MYLK: variants seen among roughly 807,000 people sequenced by gnomAD.
The protein encoded by MYLK is myosin light chain kinase, also known as myosin light chain kinase, smooth muscle.
A neutral mutation model predicts 203.4 loss-of-function variants in MYLK; 106 were observed. The observed-to-expected ratio is 0.52, with a 90% CI of 0.45 to 0.61. The LOEUF (loss-of-function observed/expected upper bound fraction) is 0.61, where lower values mean the gene tolerates loss of function less well. Ranked by LOEUF, MYLK falls within the 20% of genes least tolerant of loss-of-function variation. The pLI is 0.00. For synonymous variants in MYLK, 867 were observed against 959.5 expected, an observed-to-expected ratio of 0.90 and a Z score of 1.78; for missense variants, 2,072 against 2,442.3, an observed-to-expected ratio of 0.85 and a Z score of 3.20.
intron 2 of MYLK, among the ~76,000 whole-genome samples, chr3:123,869,827 T>C (rs928804664): frequency 5.3e-5 from 8 of 152,318 alleles, no homozygotes; most frequent in African/African-American, 1.9e-4. Context: ...GAGCTGGGAT[T>C]GAAACCCAGG....
At chr3:123,755,635 G>C (rs2063337070) in intron 4 of MYLK, among the ~76,000 whole-genome samples, 1 of 151,962 alleles carries the variant, frequency 6.6e-6, no homozygotes, top group South Asian at 2.1e-4. Context: ...CACTACCCTG[G>C]ACCTCTGGGT....
rs900854978 is a variant in MYLK, at chr3:123,611,568, G to A, written c.*2537C>T. On this transcript the variant is annotated 3_prime_UTR_variant, in exon 34 of 34. Coordinates refer to ENST00000360304, the MANE Select transcript of MYLK (RefSeq NM_053025.4). ...TTTGGCACCAGGGACCACTTTCATG[G>A]AAGACAGTTTTTCCATGGACCAGGA... 1 of 152,178 alleles carries A rather than the reference G, an allele frequency of 6.6e-6. No individual in the cohort carries two copies. Among genetic ancestry groups the A allele is most frequent in the African/African-American group, 2.4e-5 (1 of 41,416 alleles). 9.4% of individuals were successfully genotyped at this position (152,178 alleles called of 1,614,324 possible).
chr3:123,737,315 T>A lies in MYLK; in HGVS notation c.754+63A>T, dbSNP rs1276862747. 14 of 1,607,694 alleles carry A rather than the reference T, an allele frequency of 8.7e-6. No homozygotes were observed. In the Admixed American group the frequency reaches 1.5e-4, roughly 17 times the overall value. ...CACAGGTGCGCAGTGAACAAGCAGC[T>A]CCTCTAGGAGGGTGCGGCACCAGGC... On this transcript the variant is annotated intron_variant, in intron 8 of 33. Transcript: ENST00000360304.
chr3:123,704,087 T>G (rs2061355658), intron 16 of MYLK, among the ~76,000 whole-genome samples: 1 of 152,242 alleles, frequency 6.6e-6, no homozygotes, highest in Admixed American at 6.5e-5. Flanking sequence ...CAAGGGCTCC[T>G]GTCCAATCCA....
At chr3:123,646,339 A>G (rs1480578836) in intron 27 of MYLK, among the ~76,000 whole-genome samples, 1 of 152,218 alleles carries the variant, frequency 6.6e-6, no homozygotes, top group Non-Finnish European at 1.5e-5. Context: ...GTGTTTAGGA[A>G]AGGATAGACA....
chr3:123,805,364 A>G (rs1425674763), intron 3 of MYLK, among the ~76,000 whole-genome samples: 1 of 152,198 alleles, frequency 6.6e-6, no homozygotes. Flanking sequence ...ATCCTTGGTT[A>G]GCACTGACAG....
chr3:123,733,246 C>T, intron 10 of MYLK, 144 bp from the exon 11 acceptor site: 1 of 902,018 alleles, frequency 1.1e-6, no homozygotes, highest in Non-Finnish European at 1.8e-6. Flanking sequence ...TGCTTCCTCA[C>T]CCTCAACCAC....
intron 31 of MYLK, chr3:123,623,381 AC>A (rs1250796970): frequency 1.3e-5 from 2 of 152,156 alleles, no homozygotes; most frequent in Non-Finnish European, 2.9e-5. Flanking sequence ...AATCTGCTCA[AC>A]CTACCTGCCC....
At position 123,636,051 on chromosome 3, in the gene MYLK, G is replaced by A. The variant is rs868500790; in HGVS notation, c.4961+2020C>T. Among the ~76,000 whole-genome samples the A allele has an allele frequency of 2.0e-5, 3 of 152,174 alleles. No homozygotes were observed. In the South Asian group the frequency reaches 6.2e-4, roughly 32 times the overall value. On this transcript the variant is annotated intron_variant, in intron 29 of 33. Coordinates refer to ENST00000360304, the MANE Select transcript of MYLK (RefSeq NM_053025.4). ...TGGTGACCTCTGGGGGTTGGTAACAGGGAGGGGTGCCAGAGGGCTGTGGGG... is the reference window on the plus strand; with the variant it reads ...TGGTGACCTCTGGGGGTTGGTAACAAGGAGGGGTGCCAGAGGGCTGTGGGG...
chr3:123,709,819 G>T lies in MYLK; in HGVS notation c.1879C>A (p.Gln627Lys). Reference protein sequence around the residue: ...PSKPTAPIFLQGLSDLKVMDG... With the variant: ...PSKPTAPIFLKGLSDLKVMDG... ...ATGACTTTGAGATCAGAGAGGCCCT[G>T]CAGGAAGATGGGTGCAGTGGGCTTG... The change falls in exon 14 of 34, where the codon CAG becomes AAG. Residue 627 changes from glutamine (Q) to lysine (K), a missense_variant. Transcript: ENST00000360304. 6.2e-7 allele frequency: 1 copy of T among 1,614,210 alleles called. No homozygotes were observed. Among genetic ancestry groups the T allele is most frequent in the Non-Finnish European group, 8.5e-7 (1 of 1,180,034 alleles).
At chr3:123,867,222 A>G (rs2032389913) in intron 2 of MYLK, among the ~76,000 whole-genome samples, 1 of 152,044 alleles carries the variant, frequency 6.6e-6, no homozygotes, top group Non-Finnish European at 1.5e-5. Context: ...CTGTGATATG[A>G]AAAATGGACA....
At chr3:123,845,000 C>T (rs1001718832) in intron 2 of MYLK, among the ~76,000 whole-genome samples, 3 of 152,028 alleles carry the variant, frequency 2.0e-5, no homozygotes, top group Non-Finnish European at 4.4e-5. Context: ...AGCCACAGTG[C>T]CTGACCTCTC....
At chr3:123,638,319 G>A (rs1215858642) in intron 28 of MYLK, 125 bp from the exon 29 acceptor site, 4 of 1,384,822 alleles carry the variant, frequency 2.9e-6, no homozygotes, top group African/African-American at 2.9e-5. Context: ...TTGGCACAGA[G>A]AACAGGCACA....
chr3:123,726,312 C>A (rs956080288), intron 11 of MYLK, among the ~76,000 whole-genome samples: 1 of 152,200 alleles, frequency 6.6e-6, no homozygotes, highest in African/African-American at 2.4e-5. Context: ...CACAAAACAC[C>A]CTAGCCCTGG....
At chr3:123,857,674 C>A (rs2031531402) in intron 2 of MYLK, among the ~76,000 whole-genome samples, 1 of 150,556 alleles carries the variant, frequency 6.6e-6, no homozygotes, top group Non-Finnish European at 1.5e-5. Context: ...GGAGGGATAG[C>A]ATTGGGAGAT....
At position 123,716,838 on chromosome 3, in the gene MYLK, G is replaced by A. The variant is rs191910468; in HGVS notation, c.1804+5290C>T. On this transcript the variant is annotated intron_variant, in intron 13 of 33. Coordinates refer to ENST00000360304, the MANE Select transcript of MYLK (RefSeq NM_053025.4). ...ATAATGGCCCTATTAGTAAAATGAG[G>A]CTCAAATTCTATGGCATGGGCACAA... 2.6e-5 allele frequency among the ~76,000 whole-genome samples: 4 copies of A among 152,272 alleles called. No individual in the cohort carries two copies. In the East Asian group the frequency reaches 7.7e-4, roughly 29 times the overall value.
In MYLK at chr3:123,766,955, G is replaced by C. The variant is rs72972320; in HGVS notation, c.166-14417C>G. On this transcript the variant is annotated intron_variant, in intron 4 of 33. Coordinates refer to ENST00000360304, the MANE Select transcript of MYLK (RefSeq NM_053025.4). ...GTTTGGGGGCTGGGGAGCACCAAAGGGGTCAGAGTCCTGGTTCAAAACACA... is the reference window on the plus strand; with the variant it reads ...GTTTGGGGGCTGGGGAGCACCAAAGCGGTCAGAGTCCTGGTTCAAAACACA... Among the ~76,000 whole-genome samples the C allele has an allele frequency of 4.6e-3, 707 of 152,286 alleles. 6 individuals carry two copies. Among genetic ancestry groups the C allele is most frequent in the African/African-American group, 0.016 (684 of 41,548 alleles).
intron 29 of MYLK, 90 bp downstream of exon 29, chr3:123,637,981 G>T: frequency 6.3e-7 from 1 of 1,580,914 alleles, no homozygotes; most frequent in Admixed American, 1.7e-5. Flanking sequence ...CAATGGCAGG[G>T]CAGCCTGGGG....
chr3:123,762,038 T>C (rs1015918351), intron 4 of MYLK, among the ~76,000 whole-genome samples: 1 of 151,960 alleles, frequency 6.6e-6, no homozygotes, highest in Non-Finnish European at 1.5e-5. Context: ...AAAAAATATA[T>C]ATATTTTTAT....
Sources: gnomAD v4.1 joint callset for allele counts (sites outside exome capture counted in the v4.1 genomes callset) on GRCh38, gnomAD v4.1.1 for gene constraint, MANE v1.5 for transcripts, NCBI Gene and HGNC (gene_info 2026-07-23, HGNC 2026-07-21) for gene names.